Variants in WDR62 observed in about 807,000 individuals in gnomAD.
WDR62 encodes the protein WD repeat-containing protein 62.
Under a neutral mutation model 160.6 loss-of-function variants are expected in WDR62, and 112 were observed. That is an observed-to-expected ratio of 0.70 (90% CI 0.60 to 0.82). The LOEUF is 0.82. Ranked by LOEUF, WDR62 falls within the 40% of genes least tolerant of loss-of-function variation. The pLI, the probability that WDR62 is intolerant of heterozygous loss-of-function variation, is 0.00. For synonymous variants in WDR62, 792 were observed against 815.1 expected (o/e 0.97, Z 0.48); for missense variants, 1,819 against 1,983.8 (o/e 0.92, Z 1.58).
rs577035058 is a variant in WDR62, at chr19:36,088,986, C to T, written c.1769-52C>T. On this transcript the variant is annotated intron_variant, in intron 13 of 31. Coordinates refer to ENST00000401500, the MANE Select transcript of WDR62 (RefSeq NM_001083961.2). ...GCAGTGGAGTTCCCCAGCTAGGGTC[C>T]CCTGCCCATGTGGCCCAGCCCTGCC... 6 of 1,601,906 alleles carry T rather than the reference C, an allele frequency of 3.7e-6. No homozygotes were observed. In the Admixed American group the frequency reaches 6.7e-5, roughly 18 times the overall value.
Position 36,084,634 on chromosome 19 carries a change from G to T in WDR62, c.1551-19G>T. Reference sequence around the variant, plus strand: ...GGGGCTGGGGTGTGGGGCTTCAGCGGGCGGTGTGTGTCTCCCAGGATCCAC... The same window carrying T: ...GGGGCTGGGGTGTGGGGCTTCAGCGTGCGGTGTGTGTCTCCCAGGATCCAC... On this transcript the variant is annotated intron_variant, in intron 11 of 31. Coordinates refer to ENST00000401500, the MANE Select transcript of WDR62 (RefSeq NM_001083961.2). 6.2e-7 allele frequency: 1 copy of T among 1,612,904 alleles called. No individual in the cohort carries two copies. The highest frequency in any genetic ancestry group is 8.5e-7 in the Non-Finnish European group (1 of 1,179,484).
chr19:36,083,420 AG>A (rs1972021892), intron 11 of WDR62, among the ~76,000 whole-genome samples, 179 bp downstream of exon 11: 2 of 152,308 alleles, frequency 1.3e-5, no homozygotes, highest in Admixed American at 1.3e-4. Context: ...GGCTTCCAGA[AG>A]GGCTGAGAGC....
At position 36,086,362 on chromosome 19, in the gene WDR62, AC is replaced by A. The variant is rs539679066; in HGVS notation, c.1643-322del. ...GAGGCTGAGAGGTTGCCAGGGCTTT[AC>A]CCAGCACAGACCCAGCAGGCAAGAG... On this transcript the variant is annotated intron_variant, in intron 12 of 31. Transcript: ENST00000401500. 3.3e-5 allele frequency among the ~76,000 whole-genome samples: 5 copies of A among 152,126 alleles called. No individual in the cohort carries two copies. In the South Asian group the frequency reaches 1.0e-3, roughly 32 times the overall value.
At chr19:36,097,446 T>TA (rs1330008408) in intron 21 of WDR62, among the ~76,000 whole-genome samples, 4 of 152,188 alleles carry the variant, frequency 2.6e-5, no homozygotes, top group African/African-American at 9.7e-5. Context: ...GGTGCAGTGA[T>TA]ACGTGTCTGT....
intron 7 of WDR62, among the ~76,000 whole-genome samples, chr19:36,068,492 G>C (rs922767341): frequency 3.9e-5 from 6 of 152,226 alleles, no homozygotes; most frequent in Admixed American, 3.9e-4. Context: ...TTCCTAGGCA[G>C]AGGACCCTGC....
intron 9 of WDR62, among the ~76,000 whole-genome samples, chr19:36,079,615 T>C (rs1971775336): frequency 6.6e-6 from 1 of 152,228 alleles, no homozygotes; most frequent in African/African-American, 2.4e-5. Context: ...ACTCAACTGC[T>C]GTTGGGGTGG....
At chr19:36,107,266 G>A (rs559191856), downstream of WDR62, among the ~76,000 whole-genome samples, 58 of 152,348 alleles carry the variant, frequency 3.8e-4, no homozygotes, top group African/African-American at 1.3e-3. Context: ...GCACCCAGCA[G>A]CACACCCTCA....
Position 36,098,034 on chromosome 19 carries a change from C to T in WDR62, c.2520+955C>T, listed in dbSNP as rs1446689029. Among the ~76,000 whole-genome samples, 8 of 152,230 alleles carry T rather than the reference C, an allele frequency of 5.3e-5. No individual in the cohort carries two copies. In the East Asian group the frequency reaches 1.5e-3, roughly 29 times the overall value. ...GGGACGAATGTTCTAGTCATAACAG[C>T]CTATACGTGTAAAAGCCACGAGGCC... On this transcript the variant is annotated intron_variant, in intron 21 of 31. Coordinates refer to ENST00000401500, the MANE Select transcript of WDR62 (RefSeq NM_001083961.2).
At chr19:36,069,662 CTAG>C (rs1260765359) in intron 7 of WDR62, among the ~76,000 whole-genome samples, 1 of 152,238 alleles carries the variant, frequency 6.6e-6, no homozygotes, top group African/African-American at 2.4e-5. Context: ...GAGGTTGTAG[CTAG>C]CCAAGATCGC....
intron 13 of WDR62, among the ~76,000 whole-genome samples, chr19:36,087,311 T>C (rs930043151): frequency 2.0e-5 from 3 of 151,246 alleles, no homozygotes; most frequent in African/African-American, 4.9e-5. Context: ...TCGAGACCAG[T>C]CTGGCCAACA....
intron 21 of WDR62, among the ~76,000 whole-genome samples, chr19:36,098,960 G>A (rs1444556831): frequency 2.6e-5 from 4 of 152,144 alleles, no homozygotes; most frequent in Admixed American, 2.6e-4. Flanking sequence ...AGTGGCTCAT[G>A]CCTGTAATCC....
intron 1 of WDR62, among the ~76,000 whole-genome samples, chr19:36,058,074 GGGCACAGT>G (rs1211760418): frequency 6.6e-6 from 1 of 152,158 alleles, no homozygotes; most frequent in Non-Finnish European, 1.5e-5. Flanking sequence ...CTAAGAGGCC[GGGCACAGT>G]GGCTCATGCC....
At chr19:36,106,485 C>A (rs931312079), downstream of WDR62, among the ~76,000 whole-genome samples, 1 of 152,082 alleles carries the variant, frequency 6.6e-6, no homozygotes, top group Non-Finnish European at 1.5e-5. Flanking sequence ...CAAACAGATG[C>A]AGGAATTAGA....
chr19:36,055,048 C>T lies in WDR62; in HGVS notation c.77C>T (p.Pro26Leu), dbSNP rs1970274762. 6.3e-7 allele frequency: 1 copy of T among 1,591,622 alleles called. No individual in the cohort carries two copies. Reference protein sequence around the residue: ...EKLPSVMAGVPARRGQSSPPP... With the variant: ...EKLPSVMAGVLARRGQSSPPP... Reference sequence around the variant, plus strand: ...CTGCCCTCTGTCATGGCGGGAGTTCCGGCGCGGAGGGGCCAGTCCTCCCCG... The same window carrying T: ...CTGCCCTCTGTCATGGCGGGAGTTCTGGCGCGGAGGGGCCAGTCCTCCCCG... Residue 26 changes from proline (P) to leucine (L), a missense_variant, in exon 1 of 32, where the codon CCG becomes CTG. Physicochemically the swap from Pro to Leu is moderately conservative, Grantham distance 98. Coordinates refer to ENST00000401500, the MANE Select transcript of WDR62 (RefSeq NM_001083961.2).
At chr19:36,100,673 T>C (rs1599840638) in intron 22 of WDR62, 75 bp from the exon 23 acceptor site, 6 of 1,603,810 alleles carry the variant, frequency 3.7e-6, no homozygotes, top group Non-Finnish European at 5.1e-6. Flanking sequence ...GTGGGGCTGC[T>C]GGCATGGTTC....
At chr19:36,101,548 C>A in intron 24 of WDR62, 116 bp from the exon 25 acceptor site, 1 of 860,506 alleles carries the variant, frequency 1.2e-6, no homozygotes, top group Non-Finnish European at 1.9e-6. Context: ...TGGGGGGCAG[C>A]TGCTCTTACC....
rs754993826 is a variant in WDR62 at position 36,081,534 on chromosome 19, C to T, written c.1335C>T (p.Ser445=). ...NTIRFWNLDS[S]PDSHWQKNIF... Reference sequence around the variant, plus strand: ...TTCGCTTCTGGAACTTGGACAGCAGCCCTGATTCTCACTGGCAGAAAAACA... The same window carrying T: ...TTCGCTTCTGGAACTTGGACAGCAGTCCTGATTCTCACTGGCAGAAAAACA... Residue 445 remains serine (S), a synonymous_variant, in exon 10 of 32, where the codon AGC becomes AGT. Transcript: ENST00000401500. 1.9e-6 allele frequency: 3 copies of T among 1,614,046 alleles called. No homozygotes were observed. Among genetic ancestry groups the T allele is most frequent in the Non-Finnish European group, 8.5e-7 (1 of 1,180,038 alleles).
chr19:36,055,231 C>T, intron 1 of WDR62, 83 bp downstream of exon 1: 1 of 1,474,146 alleles, frequency 6.8e-7, no homozygotes, highest in Non-Finnish European at 9.2e-7. Context: ...GTGGCCCCGA[C>T]ATCAGCCCCC....
intron 9 of WDR62, among the ~76,000 whole-genome samples, chr19:36,074,800 G>T (rs1487991372): frequency 6.6e-6 from 1 of 152,046 alleles, no homozygotes; most frequent in Non-Finnish European, 1.5e-5. Flanking sequence ...TTAAAAATTT[G>T]GGATAATAGG....
Sources: allele counts gnomAD v4.1 joint callset (sites outside exome capture counted in the v4.1 genomes callset), GRCh38; gene constraint gnomAD v4.1.1; transcripts MANE v1.5; gene names NCBI Gene and HGNC (gene_info 2026-07-23, HGNC 2026-07-21).